CAMTA1: variants seen among roughly 807,000 people sequenced by gnomAD.
CAMTA1 encodes the protein calmodulin binding transcription activator 1.
A neutral mutation model predicts 170.9 loss-of-function variants in CAMTA1; 27 were observed. The observed-to-expected ratio is 0.16, with a 90% CI of 0.12 to 0.22. The LOEUF is 0.22. Ranked by LOEUF, CAMTA1 falls within the 10% of genes least tolerant of loss-of-function variation. The probability of loss-of-function intolerance (pLI) is 1.00; values close to 1 mark genes in which losing one functional copy is unlikely to be tolerated. For synonymous variants in CAMTA1, 833 were observed against 891.5 expected (o/e 0.93, Z 1.17); for missense variants, 1,619 against 2,217.2 (o/e 0.73, Z 5.42).
Position 7,732,052 on chromosome 1 carries a change from GC to G in CAMTA1, c.2915-395del, listed in dbSNP as rs2096737886. Among the ~76,000 whole-genome samples, 1 of 132,352 alleles carries G rather than the reference GC, an allele frequency of 7.6e-6. No homozygotes were observed. The highest frequency in any genetic ancestry group is 2.3e-4 in the South Asian group (1 of 4,268). 86.8% of individuals were successfully genotyped at this position (132,352 alleles called of 152,430 possible). A position where few individuals can be genotyped will look rare whatever the true frequency, so the allele number is the denominator to read the frequency against. ...TTTGTCTAACATACCTTCCTTTCTT[GC>G]TGTGATTGCTTTCTTCTACTAGTTT... On this transcript the variant is annotated intron_variant, in intron 11 of 22. Coordinates refer to ENST00000303635, the MANE Select transcript of CAMTA1 (RefSeq NM_015215.4). The surrounding 1 kb of genome is among the most constrained non-coding windows in gnomAD (Gnocchi z 4.1).
chr1:6,886,570 T>C (rs1673285215), intron 3 of CAMTA1, among the ~76,000 whole-genome samples: 1 of 152,254 alleles, frequency 6.6e-6, no homozygotes, highest in African/African-American at 2.4e-5. Context: ...GGCACAGGCC[T>C]GAAGGCGATG....
chr1:7,488,315 C>T (rs2093645154), intron 6 of CAMTA1, among the ~76,000 whole-genome samples: 1 of 152,100 alleles, frequency 6.6e-6, no homozygotes, highest in Non-Finnish European at 1.5e-5. Context: ...GGATGGAGGC[C>T]TGGAGTGGCC....
intron 6 of CAMTA1, among the ~76,000 whole-genome samples, chr1:7,483,356 C>T (rs952385631): frequency 2.0e-5 from 3 of 152,186 alleles, no homozygotes; most frequent in Non-Finnish European, 2.9e-5. Flanking sequence ...CAGAGCAGCC[C>T]GTGGCAGCGA....
At position 7,065,940 on chromosome 1, in the gene CAMTA1, G is replaced by A. The variant is rs1291320318; in HGVS notation, c.235-25364G>A. ...GCTTAAACTTGACTGTGCCATTGGCGCTTGCTGGCAGCAGCTGAGCCTCAG... is the reference window on the plus strand; with the variant it reads ...GCTTAAACTTGACTGTGCCATTGGCACTTGCTGGCAGCAGCTGAGCCTCAG... On this transcript the variant is annotated intron_variant, in intron 3 of 22. Transcript: ENST00000303635. The surrounding 1 kb of genome is among the most constrained non-coding windows in gnomAD (Gnocchi z 5.2). Among the ~76,000 whole-genome samples the A allele has an allele frequency of 2.0e-5, 3 of 152,078 alleles. No individual in the cohort carries two copies. The highest frequency in any genetic ancestry group is 2.9e-5 in the Non-Finnish European group (2 of 68,014).
At position 7,224,626 on chromosome 1, in the gene CAMTA1, G is replaced by A. The variant is rs1661371823; in HGVS notation, c.303-24865G>A. On this transcript the variant is annotated intron_variant, in intron 4 of 22. Coordinates refer to ENST00000303635, the MANE Select transcript of CAMTA1 (RefSeq NM_015215.4). The surrounding 1 kb of genome is among the most constrained non-coding windows in gnomAD (Gnocchi z 5.2). Reference sequence around the variant, plus strand: ...TCATGAATTCCGTCCCTGCTCAAGCGGGGTCCCAGGTTGGAGGCGTGACAC... The same window carrying A: ...TCATGAATTCCGTCCCTGCTCAAGCAGGGTCCCAGGTTGGAGGCGTGACAC... Among the ~76,000 whole-genome samples the A allele has an allele frequency of 1.3e-5, 2 of 152,162 alleles. No homozygotes were observed. The highest frequency in any genetic ancestry group is 4.1e-4 in the South Asian group (2 of 4,836).
chr1:7,002,908 G>T (rs1572361900), intron 3 of CAMTA1, among the ~76,000 whole-genome samples: 1 of 152,136 alleles, frequency 6.6e-6, no homozygotes, highest in Non-Finnish European at 1.5e-5. Context: ...CCCCAAACCT[G>T]TAATGGCCAG....
At chr1:7,349,295 G>A (rs765561248) in intron 5 of CAMTA1, among the ~76,000 whole-genome samples, 11 of 152,104 alleles carry the variant, frequency 7.2e-5, no homozygotes, top group Non-Finnish European at 1.6e-4. Flanking sequence ...AGCATCCAAT[G>A]GGGCACCGTC....
intron 3 of CAMTA1, among the ~76,000 whole-genome samples, chr1:7,060,568 A>G (rs965747369): frequency 6.6e-6 from 1 of 152,196 alleles, no homozygotes; most frequent in Non-Finnish European, 1.5e-5. Context: ...TGCTTCACAT[A>G]GGCGGGGTCC....
chr1:7,136,939 A>T (rs778195397), intron 4 of CAMTA1, among the ~76,000 whole-genome samples: 25 of 152,120 alleles, frequency 1.6e-4, no homozygotes, highest in Non-Finnish European at 3.4e-4. Flanking sequence ...CACTTTTTAC[A>T]TGCTGATGAC....
intron 22 of CAMTA1, among the ~76,000 whole-genome samples, chr1:7,761,674 C>G (rs1042723642): frequency 2.0e-5 from 3 of 152,136 alleles, no homozygotes; most frequent in African/African-American, 7.2e-5. Context: ...AGTTTGTATA[C>G]TGAAAAATTT....
intron 4 of CAMTA1, among the ~76,000 whole-genome samples, chr1:7,103,866 C>CGCAT (rs1643187305): frequency 6.7e-6 from 1 of 148,510 alleles, no homozygotes; most frequent in Non-Finnish European, 1.5e-5. Context: ...CACATACACA[C>CGCAT]ACACACAACT....
chr1:7,017,689 C>T (rs770231069), intron 3 of CAMTA1, among the ~76,000 whole-genome samples: 4 of 152,120 alleles, frequency 2.6e-5, no homozygotes, highest in Admixed American at 6.5e-5. Context: ...TTCCTGGGAT[C>T]GCCACATTCT....
intron 4 of CAMTA1, among the ~76,000 whole-genome samples, chr1:7,100,682 C>T (rs1033179592): frequency 6.6e-5 from 10 of 152,344 alleles, no homozygotes; most frequent in East Asian, 3.9e-4. Context: ...CAAGCCCCGG[C>T]GCTGGCCTCC....
At chr1:6,983,966 A>G (rs1161327928) in intron 3 of CAMTA1, among the ~76,000 whole-genome samples, 3 of 131,078 alleles carry the variant, frequency 2.3e-5, no homozygotes, top group Non-Finnish European at 4.8e-5. Context: ...GGGTGGATAA[A>G]TGGTTGGGTG....
At chr1:7,604,829 T>G (rs1304782250) in intron 6 of CAMTA1, among the ~76,000 whole-genome samples, 2 of 152,214 alleles carry the variant, frequency 1.3e-5, no homozygotes, top group African/African-American at 4.8e-5. Flanking sequence ...CTTTGGTCTT[T>G]GATCATGGTG....
rs755219431 is a variant in CAMTA1, at chr1:7,113,123, A to C, written c.302+21752A>C. Among the ~76,000 whole-genome samples, 4 of 152,230 alleles carry C rather than the reference A, an allele frequency of 2.6e-5. No homozygotes were observed. The highest frequency in any genetic ancestry group is 4.4e-5 in the Non-Finnish European group (3 of 68,040). On this transcript the variant is annotated intron_variant, in intron 4 of 22. Transcript: ENST00000303635. This position sits in a 1 kb window ranked among gnomAD's most constrained non-coding sequence, Gnocchi z 4.5. Reference sequence around the variant, plus strand: ...AGAAGCAGCAACTTTCTGAAATGCAATGTGTGCAGATAAATTATTCAGTGA... The same window carrying C: ...AGAAGCAGCAACTTTCTGAAATGCACTGTGTGCAGATAAATTATTCAGTGA...
intron 4 of CAMTA1, chr1:7,219,498 G>A (rs1186449148): frequency 1.4e-5 from 2 of 145,910 alleles, no homozygotes; most frequent in Admixed American, 1.4e-4. Context: ...TTGTGGTAGT[G>A]GGGGACTGTG....
chr1:7,674,251 C>T lies in CAMTA1; in HGVS notation c.2779+3214C>T, dbSNP rs1335869977. 2.0e-5 allele frequency among the ~76,000 whole-genome samples: 3 copies of T among 152,176 alleles called. No homozygotes were observed. Among genetic ancestry groups the T allele is most frequent in the Non-Finnish European group, 2.9e-5 (2 of 68,044 alleles). ...ACACCGTCACAGGTGGCAGGAGACA[C>T]GCAGGCACTGAGTGTGTCTTCTGCA... On this transcript the variant is annotated intron_variant, in intron 10 of 22. Transcript: ENST00000303635. The surrounding 1 kb of genome is among the most constrained non-coding windows in gnomAD (Gnocchi z 4.1).
At chr1:7,675,251 G>C (rs2096105455) in intron 10 of CAMTA1, among the ~76,000 whole-genome samples, 1 of 152,204 alleles carries the variant, frequency 6.6e-6, no homozygotes, top group African/African-American at 2.4e-5. Flanking sequence ...ACTGGCTGCA[G>C]GATAGTGAGT....
Sources: gnomAD v4.1 joint callset for allele counts (sites outside exome capture counted in the v4.1 genomes callset) on GRCh38, gnomAD v4.1.1 for gene constraint, Gnocchi (gnomAD v3.1) non-coding constraint, MANE v1.5 for transcripts, NCBI Gene and HGNC (gene_info 2026-07-23, HGNC 2026-07-21) for gene names.